PCK2: variants seen among roughly 807,000 people sequenced by gnomAD.
PCK2 encodes the protein phosphoenolpyruvate carboxykinase [GTP], mitochondrial.
Under a neutral mutation model 65.9 loss-of-function variants are expected in PCK2, and 56 were observed. The ratio of observed to expected loss-of-function variants is 0.85; its 90% CI spans 0.69 to 1.06. PCK2 has a LOEUF of 1.06. Among genes scored for constraint, PCK2 ranks in the 50% least tolerant of loss-of-function variants. PCK2 has a pLI of 0.00. For missense variants in PCK2, 843 were observed against 863.1 expected (o/e 0.98, Z 0.29); for synonymous variants, 305 against 319.6 (o/e 0.95, Z 0.49).
chr14:24,094,568 C>T lies in PCK2; in HGVS notation c.29+134C>T. On this transcript the variant is annotated intron_variant, in intron 1 of 9. Coordinates refer to ENST00000216780, the MANE Select transcript of PCK2 (RefSeq NM_004563.4). The surrounding 1 kb of genome is among the most constrained non-coding windows in gnomAD (Gnocchi z 4.1). ...AGGCGGAGGCGGGCAGGGGCGACTGCTGTGGGTCCAGCCTCCCGCGCCGCG... is the reference window on the plus strand; with the variant it reads ...AGGCGGAGGCGGGCAGGGGCGACTGTTGTGGGTCCAGCCTCCCGCGCCGCG... 1 of 1,445,590 alleles carries T rather than the reference C, an allele frequency of 6.9e-7. No homozygotes were observed. Among genetic ancestry groups the T allele is most frequent in the East Asian group, 2.5e-5 (1 of 39,788 alleles). The allele number at this position is 1,445,590 out of a possible 1,614,324, so 89.5% of individuals were successfully genotyped here. A position where few individuals can be genotyped will look rare whatever the true frequency, so the allele number is the denominator to read the frequency against.
chr14:24,096,060 C>A (rs2036862637), intron 1 of PCK2, among the ~76,000 whole-genome samples: 1 of 152,016 alleles, frequency 6.6e-6, no homozygotes, highest in Non-Finnish European at 1.5e-5. Context: ...AGTCTTACAG[C>A]ATACACACCA....
At chr14:24,099,950 A>G (rs1390969551) in intron 6 of PCK2, 45 bp from the exon 7 acceptor site, 5 of 1,613,820 alleles carry the variant, frequency 3.1e-6, no homozygotes, top group Middle Eastern at 1.6e-4. Flanking sequence ...TTACATCTCA[A>G]GTTTTCCTTG....
Position 24,098,349 on chromosome 14 carries a change from A to T in PCK2, c.422A>T (p.Gln141Leu), listed in dbSNP as rs778961685. 6.2e-7 allele frequency: 1 copy of T among 1,613,564 alleles called. No homozygotes were observed. Among genetic ancestry groups the T allele is most frequent in the Admixed American group, 1.7e-5 (1 of 59,986 alleles). Residue 141 changes from glutamine (Q) to leucine (L), a missense_variant, in exon 3 of 10, where the codon CAG (glutamine) becomes CTG (leucine). Coordinates refer to ENST00000216780, the MANE Select transcript of PCK2 (RefSeq NM_004563.4). ...AACTGGATGTCCCCAGCTGATTTCC[A>T]GCGAGCTGTGGATGAGAGGTTTCCA... ...LGNWMSPADF[Q>L]RAVDERFPGC...
At chr14:24,095,032 TCTTA>T (rs2036801652) in intron 1 of PCK2, 2 of 448,502 alleles carry the variant, frequency 4.5e-6, no homozygotes, top group Non-Finnish European at 8.9e-6. Flanking sequence ...TGCCTTCGTT[TCTTA>T]CATAGCTGGC....
chr14:24,103,568 G>C lies in PCK2; in HGVS notation c.1527G>C (p.Gly509=), dbSNP rs750479317. The change falls in exon 10 of 10, where the codon GGG becomes GGC. Residue 509 remains glycine (G), a synonymous_variant. Transcript: ENST00000216780. Reference sequence around the variant, plus strand: ...GGCCCTTTTTTGGCTACAACTTCGGGCACTACCTGGAACACTGGCTGAGCA... The same window carrying C: ...GGCCCTTTTTTGGCTACAACTTCGGCCACTACCTGGAACACTGGCTGAGCA... ...AMRPFFGYNF[G]HYLEHWLSME... is the part of the protein sequence containing the mutation. The C allele has an allele frequency of 6.3e-7, 1 of 1,585,074 alleles. No homozygotes were observed. The highest frequency in any genetic ancestry group is 8.6e-7 in the Non-Finnish European group (1 of 1,163,698).
At position 24,099,241 on chromosome 14, in the gene PCK2, G is replaced by C. The variant is rs761839098; in HGVS notation, c.852+5G>C. 13 of 1,586,498 alleles carry C rather than the reference G, an allele frequency of 8.2e-6. No homozygotes were observed. The highest frequency in any genetic ancestry group is 1.1e-5 in the Non-Finnish European group (13 of 1,168,196). The stretch of plus-strand genomic sequence containing the variant: ...TGGCTGGCAGAGCACATGCTGGTGA[G>C]GGCCTGGTGAGAAGCAGGGCAGCTG... On this transcript the variant is annotated splice_donor_5th_base_variant and intron_variant, in intron 5 of 9. Coordinates refer to ENST00000216780, the MANE Select transcript of PCK2 (RefSeq NM_004563.4).
rs1309344572 is a variant in PCK2 at position 24,097,150 on chromosome 14, C to T, written c.275+13C>T. On this transcript the variant is annotated intron_variant, in intron 2 of 9. Coordinates refer to ENST00000216780, the MANE Select transcript of PCK2 (RefSeq NM_004563.4). ...AGTACAATAACTGGTAAGCCTTGGG[C>T]TCCACAACCTGCAGGATAGGTGCAC... 6.2e-7 allele frequency: 1 copy of T among 1,612,230 alleles called. No homozygotes were observed. The highest frequency in any genetic ancestry group is 1.7e-5 in the Admixed American group (1 of 59,966).
chr14:24,097,272 A>G, intron 2 of PCK2, 135 bp downstream of exon 2: 1 of 819,560 alleles, frequency 1.2e-6, no homozygotes, highest in Non-Finnish European at 1.9e-6. Context: ...CAGACCCAGA[A>G]ACTGGGATTT....
At position 24,098,174 on chromosome 14, in the gene PCK2, C is replaced by A. The variant is rs188282904; in HGVS notation, c.276-29C>A. The A allele has an allele frequency of 9.6e-6, 15 of 1,564,958 alleles. No individual in the cohort carries two copies. The African/African-American group carries it at 1.9e-4, about 20-fold the overall frequency. The stretch of plus-strand genomic sequence containing the variant: ...GGGACAAGGGAAACCTGCTGGCCAC[C>A]ATCTTCCTGACAATCCCCTCTCCCC... On this transcript the variant is annotated intron_variant, in intron 2 of 9. Coordinates refer to ENST00000216780, the MANE Select transcript of PCK2 (RefSeq NM_004563.4).
At position 24,098,518 on chromosome 14, in the gene PCK2, C is replaced by T. The variant is rs771805607; in HGVS notation, c.504C>T (p.Gly168=). ...TTCCATTCAGCATGGGTCCTGTGGG[C>T]TCCCCGCTGTCCCGCATCGGGGTGC... ...YVLPFSMGPV[G]SPLSRIGVQL... Residue 168 remains glycine (G), a synonymous_variant, in exon 4 of 10, where the codon GGC becomes GGT. Transcript: ENST00000216780. The T allele has an allele frequency of 6.2e-7, 1 of 1,614,068 alleles. No individual in the cohort carries two copies. Among genetic ancestry groups the T allele is most frequent in the African/African-American group, 1.3e-5 (1 of 74,950 alleles).
In PCK2 at chr14:24,103,687, G is replaced by C. The variant is rs201980042; in HGVS notation, c.1646G>C (p.Gly549Ala). ...GGGCACTTCCTGTGGCCAGGCTTTG[G>C]GGAGAATGCTCGGGTGCTAGACTGG... ...EAGHFLWPGF[G>A]ENARVLDWIC... Residue 549 changes from glycine to alanine, a missense_variant, in exon 10 of 10, where the codon GGG (glycine) becomes GCG (alanine). Coordinates refer to ENST00000216780, the MANE Select transcript of PCK2 (RefSeq NM_004563.4). 2.6e-5 allele frequency: 42 copies of C among 1,614,088 alleles called. No homozygotes were observed. Among genetic ancestry groups the C allele is most frequent in the Admixed American group, 2.3e-4 (14 of 60,008 alleles).
At chr14:24,097,310 A>G (rs1037813845) in intron 2 of PCK2, among the ~76,000 whole-genome samples, 173 bp downstream of exon 2, 1 of 151,434 alleles carries the variant, frequency 6.6e-6, no homozygotes, top group Admixed American at 6.6e-5. Flanking sequence ...CAGCACTTTG[A>G]GAGGCCAAGG....
chr14:24,095,631 G>A (rs1469971678), intron 1 of PCK2, among the ~76,000 whole-genome samples: 2 of 151,902 alleles, frequency 1.3e-5, no homozygotes, highest in Non-Finnish European at 2.9e-5. Flanking sequence ...ACGGGGTCAC[G>A]TGGTCCTGGG....
rs1197275899 is a variant in PCK2 at position 24,094,359 on chromosome 14, C to A, written c.-47C>A. The A allele has an allele frequency of 1.3e-6, 2 of 1,515,636 alleles. No individual in the cohort carries two copies. Among genetic ancestry groups the A allele is most frequent in the Non-Finnish European group, 1.8e-6 (2 of 1,125,968 alleles). The allele number at this position is 1,515,636 out of a possible 1,614,324, so 93.9% of individuals were successfully genotyped here. On this transcript the variant is annotated 5_prime_UTR_variant, in exon 1 of 10. Coordinates refer to ENST00000216780, the MANE Select transcript of PCK2 (RefSeq NM_004563.4). This position sits in a 1 kb window ranked among gnomAD's most constrained non-coding sequence, Gnocchi z 4.1. ...TCCTTCCCCGCCTTCCATACCTCCC[C>A]GGCTCCGCTCGGTTCCTGGCCACCC...
At position 24,094,357 on chromosome 14, in the gene PCK2, C is replaced by A; in HGVS notation, c.-49C>A. ...CCTCCTTCCCCGCCTTCCATACCTC[C>A]CCGGCTCCGCTCGGTTCCTGGCCAC... is the stretch of plus-strand genomic sequence containing the variant. On this transcript the variant is annotated 5_prime_UTR_variant, in exon 1 of 10. Transcript: ENST00000216780. This position sits in a 1 kb window ranked among gnomAD's most constrained non-coding sequence, Gnocchi z 4.1. The A allele has an allele frequency of 2.6e-6, 4 of 1,515,684 alleles. No individual in the cohort carries two copies. Among genetic ancestry groups the A allele is most frequent in the Non-Finnish European group, 3.6e-6 (4 of 1,126,196 alleles). The allele number at this position is 1,515,684 out of a possible 1,614,324, so 93.9% of individuals were successfully genotyped here. A position where few individuals can be genotyped will look rare whatever the true frequency, so the allele number is the denominator to read the frequency against.
At chr14:24,100,931 A>G (rs374131519) in intron 7 of PCK2, among the ~76,000 whole-genome samples, 2 of 152,282 alleles carry the variant, frequency 1.3e-5, no homozygotes, top group East Asian at 3.9e-4. Context: ...CTGGACCTTC[A>G]GTATTCTTTC....
Position 24,094,878 on chromosome 14 carries a change from C to A in PCK2, c.29+444C>A. ...AGCCCCGGGAGACTAAGCTCAGAGC[C>A]CCCTAAAGAAGGTGGAAGGTTAAAT... On this transcript the variant is annotated intron_variant, in intron 1 of 9. Coordinates refer to ENST00000216780, the MANE Select transcript of PCK2 (RefSeq NM_004563.4). This position sits in a 1 kb window ranked among gnomAD's most constrained non-coding sequence, Gnocchi z 4.1. 1.6e-6 allele frequency: 2 copies of A among 1,278,950 alleles called. No homozygotes were observed. The highest frequency in any genetic ancestry group is 1.5e-5 in the African/African-American group (1 of 65,924). 79.2% of individuals were successfully genotyped at this position (1,278,950 alleles called of 1,614,324 possible).
At chr14:24,099,356 C>T in intron 5 of PCK2, 120 bp downstream of exon 5, 1 of 1,091,008 alleles carries the variant, frequency 9.2e-7, no homozygotes, top group Non-Finnish European at 1.3e-6. Context: ...GGGGACTCTA[C>T]TTGAAGGCCC....
rs1019907475 is a variant in PCK2, at chr14:24,101,462, C to A, written c.1234+1249C>A. The stretch of plus-strand genomic sequence containing the variant: ...ACAGTGGTGCTTCATACATGTGCCA[C>A]TGACTTAGTCCCAACCCCCCTCCAG... On this transcript the variant is annotated intron_variant, in intron 7 of 9. Coordinates refer to ENST00000216780, the MANE Select transcript of PCK2 (RefSeq NM_004563.4). Among the ~76,000 whole-genome samples, 7 of 152,334 alleles carry A rather than the reference C, an allele frequency of 4.6e-5. No homozygotes were observed. In the East Asian group the frequency reaches 7.7e-4, roughly 17 times the overall value.
Sources: gnomAD v4.1 joint callset for allele counts (sites outside exome capture counted in the v4.1 genomes callset) on GRCh38, gnomAD v4.1.1 for gene constraint, Gnocchi (gnomAD v3.1) non-coding constraint, MANE v1.5 for transcripts, NCBI Gene and HGNC (gene_info 2026-07-23, HGNC 2026-07-21) for gene names.